The following ZFAND3 variants were observed in gnomAD, a reference collection of about 807,000 sequenced individuals.
The protein encoded by ZFAND3 is AN1-type zinc finger protein 3.
In ZFAND3, 10 loss-of-function variants were observed where a neutral mutation model predicts 29.6. That is an observed-to-expected ratio of 0.34 (90% CI 0.21 to 0.57). ZFAND3 has a LOEUF of 0.57. ZFAND3 is among the 20% of genes least tolerant of loss of function. The pLI, the probability that ZFAND3 is intolerant of heterozygous loss-of-function variation, is 0.86. For missense variants in ZFAND3, 230 were observed against 304.5 expected, an observed-to-expected ratio of 0.76 and a Z score of 1.82; for synonymous variants, 128 against 112.6, an observed-to-expected ratio of 1.14 and a Z score of -0.87.
At chr6:38,145,551 A>G (rs963734107) in intron 5 of ZFAND3, among the ~76,000 whole-genome samples, 4 of 152,218 alleles carry the variant, frequency 2.6e-5, no homozygotes, top group Non-Finnish European at 2.9e-5. Context: ...AGAGCATCTG[A>G]ATGAATTGTA....
At chr6:37,893,397 C>T (rs1765138768) in intron 1 of ZFAND3, among the ~76,000 whole-genome samples, 2 of 152,302 alleles carry the variant, frequency 1.3e-5, no homozygotes, top group South Asian at 4.1e-4. Flanking sequence ...TAAAAACATT[C>T]AACAAACTAT....
chr6:38,045,611 T>C (rs1159922412), intron 2 of ZFAND3, among the ~76,000 whole-genome samples: 1 of 152,178 alleles, frequency 6.6e-6, no homozygotes, highest in South Asian at 2.1e-4. Flanking sequence ...GATATAAATA[T>C]ATATTATCTC....
At chr6:37,972,008 TG>T (rs1387276723) in intron 2 of ZFAND3, among the ~76,000 whole-genome samples, 2 of 151,846 alleles carry the variant, frequency 1.3e-5, no homozygotes, top group African/African-American at 4.8e-5. Context: ...TAAAAATCTT[TG>T]CTTTCAAAAA....
intron 4 of ZFAND3, among the ~76,000 whole-genome samples, chr6:38,107,186 T>C (rs1248498222): frequency 2.0e-5 from 3 of 152,074 alleles, no homozygotes; most frequent in Non-Finnish European, 2.9e-5. Flanking sequence ...GCCTGCTGGG[T>C]TCAATTTCAG....
intron 2 of ZFAND3, among the ~76,000 whole-genome samples, chr6:37,998,335 TAGAGGG>T (rs1350836359): frequency 6.6e-6 from 1 of 152,192 alleles, no homozygotes; most frequent in African/African-American, 2.4e-5. Context: ...GGGGAATTTT[TAGAGGG>T]ATGGAACTAT....
intron 4 of ZFAND3, among the ~76,000 whole-genome samples, chr6:38,095,432 CT>C (rs1318472159): frequency 3.3e-5 from 5 of 151,378 alleles, no homozygotes; most frequent in South Asian, 2.1e-4. Context: ...AATTGCCTTT[CT>C]TTTTTTTTCT....
At chr6:37,849,997 G>A (rs1183444769) in intron 1 of ZFAND3, among the ~76,000 whole-genome samples, 2 of 152,080 alleles carry the variant, frequency 1.3e-5, no homozygotes, top group South Asian at 2.1e-4. Context: ...TGCTTGCTGC[G>A]GGTACCTATA....
chr6:38,120,893 C>A (rs576868396), intron 5 of ZFAND3, among the ~76,000 whole-genome samples: 1 of 152,308 alleles, frequency 6.6e-6, no homozygotes, highest in East Asian at 1.9e-4. Flanking sequence ...TTGATCATCT[C>A]CAAGTGCCTC....
At chr6:38,104,252 C>CATCT (rs1765164660) in intron 4 of ZFAND3, among the ~76,000 whole-genome samples, 2 of 152,102 alleles carry the variant, frequency 1.3e-5, no homozygotes, top group Non-Finnish European at 2.9e-5. Flanking sequence ...AACCCATCCT[C>CATCT]ATCTGTGCCT....
At chr6:38,064,146 T>C (rs958211580) in intron 3 of ZFAND3, among the ~76,000 whole-genome samples, 10 of 152,302 alleles carry the variant, frequency 6.6e-5, no homozygotes, top group Admixed American at 3.3e-4. Context: ...TTATGGCCCT[T>C]GGGTTAAGAA....
At chr6:37,868,001 A>G (rs1244931223) in intron 1 of ZFAND3, among the ~76,000 whole-genome samples, 1 of 152,196 alleles carries the variant, frequency 6.6e-6, no homozygotes, top group Non-Finnish European at 1.5e-5. Context: ...AAGACCAGTG[A>G]GAGATAAATA....
In ZFAND3 at chr6:37,977,828, T is replaced by TTTTCTTCCTTCGTTCC. The variant is rs70981515; in HGVS notation, c.112+47831_112+47832insTCTTCCTTCGTTCCTT. ...TGAATGTTGAATTTTGTAAAATGCTTTTCCTTCCTTCCTTCCTTCCTTCCT... is the reference window on the plus strand; with the variant it reads ...TGAATGTTGAATTTTGTAAAATGCTTTTTCTTCCTTCGTTCCTTCCTTCCTTCCTTCCTTCCTTCCT... On this transcript the variant is annotated intron_variant, in intron 2 of 5. Coordinates refer to ENST00000287218, the MANE Select transcript of ZFAND3 (RefSeq NM_021943.3). Among the ~76,000 whole-genome samples, 8 of 76,444 alleles carry TTTTCTTCCTTCGTTCC rather than the reference T, an allele frequency of 1.0e-4. No homozygotes were observed. In the East Asian group the frequency reaches 2.8e-3, roughly 27 times the overall value. The allele number at this position is 76,444 out of a possible 152,430, so 50.2% of individuals were successfully genotyped here. A position where few individuals can be genotyped will look rare whatever the true frequency, so the allele number is the denominator to read the frequency against.
At chr6:37,916,951 ACTGTCATGGTAT>A (rs987480095) in intron 1 of ZFAND3, among the ~76,000 whole-genome samples, 2 of 152,326 alleles carry the variant, frequency 1.3e-5, no homozygotes, top group African/African-American at 2.4e-5. Context: ...GATCAGGTAG[ACTGTCATGGTAT>A]CTGTCATGGT....
Position 38,061,744 on chromosome 6 carries a change from A to G in ZFAND3, c.264A>G (p.Glu88=). The G allele has an allele frequency of 6.2e-7, 1 of 1,614,114 alleles. No individual in the cohort carries two copies. Among genetic ancestry groups the G allele is most frequent in the Non-Finnish European group, 8.5e-7 (1 of 1,180,012 alleles). Residue 88 remains glutamate, a synonymous_variant, in exon 3 of 6, where the codon GAA becomes GAG. Coordinates refer to ENST00000287218, the MANE Select transcript of ZFAND3 (RefSeq NM_021943.3). ...LSPSQQPLPT[E]LNVTSPSKEE... is the part of the protein sequence containing the mutation. ...CCAGCCAGCAGCCGCTTCCGACAGA[A>G]CTGAATGTAACTTCACCGAGTAAAG...
intron 4 of ZFAND3, among the ~76,000 whole-genome samples, chr6:38,106,880 C>G (rs974394122): frequency 6.6e-6 from 1 of 152,094 alleles, no homozygotes; most frequent in Non-Finnish European, 1.5e-5. Flanking sequence ...AGACATTAAT[C>G]GAGAAGCCTA....
intron 4 of ZFAND3, among the ~76,000 whole-genome samples, chr6:38,116,103 T>C (rs747877412): frequency 3.3e-5 from 5 of 152,200 alleles, no homozygotes; most frequent in Non-Finnish European, 1.5e-5. Flanking sequence ...GGGAATGGAA[T>C]TGTGAAAGCA....
chr6:37,837,694 A>G (rs1256983544), intron 1 of ZFAND3, among the ~76,000 whole-genome samples: 1 of 151,986 alleles, frequency 6.6e-6, no homozygotes, highest in Non-Finnish European at 1.5e-5. Context: ...TTTAATAGAG[A>G]CAGGGTTTCT....
chr6:38,095,848 A>G (rs1257123129), intron 4 of ZFAND3, among the ~76,000 whole-genome samples: 2 of 152,108 alleles, frequency 1.3e-5, no homozygotes, highest in Non-Finnish European at 2.9e-5. Context: ...CCTGGGCAAC[A>G]TGGTGAGGCT....
intron 2 of ZFAND3, among the ~76,000 whole-genome samples, chr6:37,993,098 C>T (rs189296368): frequency 6.6e-6 from 1 of 151,978 alleles, no homozygotes; most frequent in East Asian, 1.9e-4. Flanking sequence ...TACATTTTTC[C>T]ATCTGTAATT....
Sources: allele counts gnomAD v4.1 joint callset (sites outside exome capture counted in the v4.1 genomes callset), GRCh38; gene constraint gnomAD v4.1.1; transcripts MANE v1.5; gene names NCBI Gene and HGNC (gene_info 2026-07-23, HGNC 2026-07-21).